Variants in PIGL observed in about 807,000 individuals in gnomAD.
The protein encoded by PIGL is phosphatidylinositol glycan anchor biosynthesis class L.
PIGL carries 22 observed loss-of-function variants against 31.1 expected under a neutral mutation model. That is an observed-to-expected ratio of 0.71 (90% confidence interval 0.51 to 1.01). PIGL has a LOEUF of 1.01. Ranked by LOEUF, PIGL falls within the 50% of genes least tolerant of loss-of-function variation. The pLI, the probability that PIGL is intolerant of heterozygous loss-of-function variation, is 0.00. For synonymous variants in PIGL, 131 were observed against 117.4 expected (o/e 1.12, Z -0.75); for missense variants, 302 against 315.9 (o/e 0.96, Z 0.33).
At position 16,325,793 on chromosome 17, in the gene PIGL, CT is replaced by C; in HGVS notation, c.661-5del. 6.2e-7 allele frequency: 1 copy of C among 1,609,560 alleles called. No individual in the cohort carries two copies. Among genetic ancestry groups the C allele is most frequent in the Middle Eastern group, 1.7e-4 (1 of 6,042 alleles). On this transcript the variant is annotated splice_region_variant and splice_polypyrimidine_tract_variant and intron_variant, in intron 6 of 6. Coordinates refer to ENST00000225609, the MANE Select transcript of PIGL (RefSeq NM_004278.4). ...GTTTCATAACTGGTTCTCTTTGATTCTTCTAGAAAGCCATGTCCTGCCACCG... is the reference window on the plus strand; with the variant it reads ...GTTTCATAACTGGTTCTCTTTGATTCTCTAGAAAGCCATGTCCTGCCACCG...
intron 2 of PIGL, among the ~76,000 whole-genome samples, chr17:16,258,101 G>A (rs529224835): frequency 2.6e-5 from 3 of 115,900 alleles, no homozygotes; most frequent in East Asian, 2.5e-4. Context: ...GAGAGAGAGA[G>A]AAAGAGAGAG....
At chr17:16,316,542 G>C (rs1297181285) in intron 4 of PIGL, 139 bp from the exon 5 acceptor site, 5 of 760,568 alleles carry the variant, frequency 6.6e-6, no homozygotes, top group Non-Finnish European at 1.0e-5. Context: ...TCTATACAGT[G>C]ATTTATGCAA....
intron 2 of PIGL, among the ~76,000 whole-genome samples, chr17:16,272,268 C>T (rs968294834): frequency 3.9e-5 from 6 of 152,198 alleles, no homozygotes; most frequent in African/African-American, 1.4e-4. Flanking sequence ...TTTCCTAGAA[C>T]TAGCTGCCAG....
chr17:16,258,580 T>A (rs1428696630), intron 2 of PIGL, among the ~76,000 whole-genome samples: 1 of 151,994 alleles, frequency 6.6e-6, no homozygotes, highest in Non-Finnish European at 1.5e-5. Context: ...CTCAGCTCAC[T>A]GCAACCTCCG....
At chr17:16,316,314 A>G (rs768799899) in intron 4 of PIGL, among the ~76,000 whole-genome samples, 4 of 152,176 alleles carry the variant, frequency 2.6e-5, no homozygotes, top group Non-Finnish European at 4.4e-5. Flanking sequence ...GGGAAGAGCT[A>G]TCAGTTAGCA....
At chr17:16,288,295 C>G (rs935304989) in intron 2 of PIGL, among the ~76,000 whole-genome samples, 1 of 152,196 alleles carries the variant, frequency 6.6e-6, no homozygotes, top group Non-Finnish European at 1.5e-5. Flanking sequence ...CAGCCCCCAC[C>G]TCCCAGGTTG....
At chr17:16,293,936 A>G (rs2092970943) in intron 2 of PIGL, among the ~76,000 whole-genome samples, 1 of 152,170 alleles carries the variant, frequency 6.6e-6, no homozygotes, top group South Asian at 2.1e-4. Flanking sequence ...GGTGTGTAGT[A>G]AAGAATTTGG....
intron 4 of PIGL, among the ~76,000 whole-genome samples, chr17:16,314,201 C>T (rs543105523): frequency 2.0e-5 from 3 of 152,258 alleles, no homozygotes; most frequent in African/African-American, 7.2e-5. Flanking sequence ...GTCATACAAA[C>T]ATAGATGTGT....
At chr17:16,282,234 G>T in intron 2 of PIGL, 1 of 352,828 alleles carries the variant, frequency 2.8e-6, no homozygotes, top group South Asian at 2.1e-5. Flanking sequence ...GAGAGGAATG[G>T]CTGGGCATCC....
chr17:16,233,246 T>C (rs1345194957), intron 1 of PIGL, among the ~76,000 whole-genome samples: 2 of 152,194 alleles, frequency 1.3e-5, no homozygotes, highest in African/African-American at 2.4e-5. Context: ...AGCTGGACAG[T>C]TGCTCAAAAT....
chr17:16,309,484 C>T (rs1052377895), intron 3 of PIGL, among the ~76,000 whole-genome samples: 16 of 152,164 alleles, frequency 1.1e-4, no homozygotes, highest in East Asian at 7.7e-4. Flanking sequence ...AACATTAGGC[C>T]GGGCACGGTG....
chr17:16,274,784 C>T (rs937157474), intron 2 of PIGL, among the ~76,000 whole-genome samples: 28 of 151,242 alleles, frequency 1.9e-4, no homozygotes, highest in Non-Finnish European at 2.5e-4. Context: ...GTAATATCAG[C>T]GTTTTAGGAG....
chr17:16,236,917 G>A (rs953552280), intron 2 of PIGL, among the ~76,000 whole-genome samples: 2 of 151,850 alleles, frequency 1.3e-5, no homozygotes, highest in Non-Finnish European at 2.9e-5. Flanking sequence ...ATAGTGGACA[G>A]AGCTAAGATG....
At chr17:16,266,064 T>A (rs1474161153) in intron 2 of PIGL, among the ~76,000 whole-genome samples, 2 of 152,074 alleles carry the variant, frequency 1.3e-5, no homozygotes, top group African/African-American at 4.8e-5. Flanking sequence ...GTCATGACTC[T>A]TTCTAGAAAA....
chr17:16,303,808 G>A (rs1004068935), intron 3 of PIGL, among the ~76,000 whole-genome samples: 1 of 151,902 alleles, frequency 6.6e-6, no homozygotes, highest in African/African-American at 2.4e-5. Context: ...TCTGCCTCCC[G>A]GGTTCACGCC....
chr17:16,217,633 G>A, intron 1 of PIGL, 172 bp downstream of exon 1: 8 of 531,436 alleles, frequency 1.5e-5, no homozygotes, highest in South Asian at 3.0e-5. Flanking sequence ...CGGCTTACCT[G>A]GTGGGTTGGG....
At position 16,234,015 on chromosome 17, in the gene PIGL, C is replaced by A. The variant is rs1434106249; in HGVS notation, c.280C>A (p.Gln94Lys). 6.2e-7 allele frequency: 1 copy of A among 1,609,468 alleles called. No homozygotes were observed. The highest frequency in any genetic ancestry group is 1.1e-5 in the South Asian group (1 of 90,984). Residue 94 changes from glutamine to lysine, a missense_variant, in exon 2 of 7, where the codon CAG becomes AAG. Gln to Lys is a moderately conservative substitution (Grantham distance 53). Coordinates refer to ENST00000225609, the MANE Select transcript of PIGL (RefSeq NM_004278.4). ...AGAGACTCGTAAGAAAGAACTTTTG[C>A]AGAGCTGTGATGTTTTGGGGATTCC... ...QGETRKKELL[Q>K]SCDVLGIPLS...
chr17:16,300,224 G>T (rs542083954), intron 3 of PIGL: 65 of 443,442 alleles, frequency 1.5e-4, no homozygotes, highest in Middle Eastern at 6.2e-4. Flanking sequence ...AGAGGCAGAA[G>T]TTTTTTCTAA....
At chr17:16,220,477 G>GTTTTTTT (rs1171079537) in intron 1 of PIGL, among the ~76,000 whole-genome samples, 4 of 70,052 alleles carry the variant, frequency 5.7e-5, no homozygotes, top group African/African-American at 2.0e-4. Flanking sequence ...TTTTTAAATT[G>GTTTTTTT]TTATTTTTTT....
Sources: gnomAD v4.1 joint callset for allele counts (sites outside exome capture counted in the v4.1 genomes callset) on GRCh38, gnomAD v4.1.1 for gene constraint, MANE v1.5 for transcripts, NCBI Gene and HGNC (gene_info 2026-07-23, HGNC 2026-07-21) for gene names.